Variants in APBB2 observed in about 807,000 individuals in gnomAD.
APBB2 encodes the protein Fe65-like 1.
A neutral mutation model predicts 82.5 loss-of-function variants in APBB2; 38 were observed. The observed-to-expected ratio is 0.46, with a 90% CI of 0.36 to 0.60. The LOEUF (loss-of-function observed/expected upper bound fraction) is 0.60. Among genes scored for constraint, APBB2 ranks in the 20% least tolerant of loss-of-function variants. APBB2 has a pLI of 0.00. For synonymous variants in APBB2, 341 were observed against 368.2 expected, an observed-to-expected ratio of 0.93 and a Z score of 0.85; for missense variants, 772 against 972.3, an observed-to-expected ratio of 0.79 and a Z score of 2.74.
In APBB2 at chr4:41,121,996, G is replaced by A. The variant is rs1218372997; in HGVS notation, c.-261+20991C>T. On this transcript the variant is annotated intron_variant, in intron 2 of 17. Coordinates refer to ENST00000508593, the MANE Select transcript of APBB2 (RefSeq NM_004307.2). ...AGCTGGAGTGCAGTGGCCCCATCTC[G>A]ACTCACTGTAGCCTTGACTTCCCGA... Among the ~76,000 whole-genome samples the A allele has an allele frequency of 3.9e-5, 6 of 152,070 alleles. No homozygotes were observed. The East Asian group carries it at 7.7e-4, about 20-fold the overall frequency.
intron 10 of APBB2, among the ~76,000 whole-genome samples, chr4:40,907,331 T>C (rs1467774015): frequency 1.4e-5 from 2 of 144,530 alleles, no homozygotes; most frequent in African/African-American, 5.1e-5. Context: ...CTTTATTTAA[T>C]TTAATTTAAT....
rs34433911 is a variant in APBB2 at position 40,858,454 on chromosome 4, C to CAAAAAAAAAAAAAAAAAA, written c.1530-27895_1530-27878dup. On this transcript the variant is annotated intron_variant, in intron 12 of 17. Coordinates refer to ENST00000508593, the MANE Select transcript of APBB2 (RefSeq NM_004307.2). ...TGAGTGACAGAGTGAGAGTCCGTCT[C>CAAAAAAAAAAAAAAAAAA]AAAAAAAAAAAAAAAAAAAAAAAAG... 3.6e-3 allele frequency among the ~76,000 whole-genome samples: 206 copies of CAAAAAAAAAAAAAAAAAA among 57,714 alleles called. 3 individuals are homozygous for CAAAAAAAAAAAAAAAAAA. Among genetic ancestry groups the CAAAAAAAAAAAAAAAAAA allele is most frequent in the Non-Finnish European group, 4.4e-3 (144 of 32,732 alleles). 37.9% of individuals were successfully genotyped at this position (57,714 alleles called of 152,430 possible). A position where few individuals can be genotyped will look rare whatever the true frequency, so the allele number is the denominator to read the frequency against.
chr4:41,147,481 C>CTTT (rs558746840), intron 1 of APBB2, among the ~76,000 whole-genome samples: 1,045 of 103,064 alleles, frequency 0.01, 26 homozygotes, highest in South Asian at 0.03. Flanking sequence ...GTTTGGCCAG[C>CTTT]TTTTTTTTTT....
chr4:40,867,657 C>A (rs1371754032), intron 12 of APBB2, among the ~76,000 whole-genome samples: 1 of 152,212 alleles, frequency 6.6e-6, no homozygotes, highest in Non-Finnish European at 1.5e-5. Flanking sequence ...TAAAGTTCCA[C>A]ACAAAGTTCA....
At chr4:41,151,370 C>T (rs1226247118) in intron 1 of APBB2, among the ~76,000 whole-genome samples, 4 of 152,146 alleles carry the variant, frequency 2.6e-5, no homozygotes, top group South Asian at 2.1e-4. Context: ...ACTAGGCACA[C>T]GTGCCTTGAA....
At chr4:41,034,376 G>C (rs1289160000) in intron 4 of APBB2, among the ~76,000 whole-genome samples, 2 of 152,178 alleles carry the variant, frequency 1.3e-5, no homozygotes, top group Non-Finnish European at 2.9e-5. Context: ...CCAGGCTGGA[G>C]GGCAATAGCG....
At chr4:41,143,958 A>C (rs77519419) in intron 1 of APBB2, among the ~76,000 whole-genome samples, 1 of 152,372 alleles carries the variant, frequency 6.6e-6, no homozygotes, top group East Asian at 1.9e-4. Context: ...GGCTTAAGGA[A>C]AAACAGTGTG....
Position 41,028,802 on chromosome 4 carries a change from G to A in APBB2, c.19+4434C>T, listed in dbSNP as rs373561833. 1.4e-4 allele frequency among the ~76,000 whole-genome samples: 21 copies of A among 152,304 alleles called. No homozygotes were observed. In the East Asian group the frequency reaches 2.5e-3, roughly 18 times the overall value. On this transcript the variant is annotated intron_variant, in intron 5 of 17. Coordinates refer to ENST00000508593, the MANE Select transcript of APBB2 (RefSeq NM_004307.2). ...ACTTGCCCAGCTTCTCTCGATCCCA[G>A]CCACAAAGGCCCCAGCACAGATACA... is the stretch of plus-strand genomic sequence containing the variant.
chr4:41,168,303 A>G (rs1767261896), intron 1 of APBB2, among the ~76,000 whole-genome samples: 1 of 151,580 alleles, frequency 6.6e-6, no homozygotes, highest in African/African-American at 2.4e-5. Context: ...AAAAAAAAAG[A>G]AAAAGAAATA....
At chr4:40,912,199 A>T (rs1337329857) in intron 10 of APBB2, among the ~76,000 whole-genome samples, 1 of 152,212 alleles carries the variant, frequency 6.6e-6, no homozygotes, top group Non-Finnish European at 1.5e-5. Context: ...AGTCTGACAT[A>T]GGGCTGCTGT....
chr4:40,905,216 CCACTAATGGCTGGTCCCTTCATGA>C (rs1218902529), intron 10 of APBB2, among the ~76,000 whole-genome samples: 1 of 152,158 alleles, frequency 6.6e-6, no homozygotes, highest in African/African-American at 2.4e-5. Flanking sequence ...TGCCCGCCAC[CCACTAATGGCTGGTCCCTTCATGA>C]AGGGCAGTTC....
At chr4:40,997,155 C>T (rs968370417) in intron 6 of APBB2, among the ~76,000 whole-genome samples, 2 of 152,148 alleles carry the variant, frequency 1.3e-5, no homozygotes, top group African/African-American at 2.4e-5. Context: ...CATGTGGTTA[C>T]ATTTCTTCCC....
intron 2 of APBB2, among the ~76,000 whole-genome samples, chr4:41,132,641 T>C (rs534744010): frequency 6.2e-4 from 95 of 152,364 alleles, no homozygotes; most frequent in African/African-American, 2.2e-3. Flanking sequence ...TTGAATTCAT[T>C]GTCCTTCAAA....
intron 10 of APBB2, among the ~76,000 whole-genome samples, chr4:40,906,464 C>CAAAAAAAAAA (rs5857755): frequency 4.7e-4 from 32 of 67,882 alleles, no homozygotes; most frequent in East Asian, 9.4e-4. Context: ...AAACCTGTCT[C>CAAAAAAAAAA]AAAAAAAAAA....
chr4:40,846,023 T>TGAGTGGG, intron 12 of APBB2, among the ~76,000 whole-genome samples: 1 of 16,262 alleles, frequency 6.1e-5, no homozygotes, highest in Non-Finnish European at 1.7e-4. Context: ...GGGGTGTGTG[T>TGAGTGGG]GTGTGTGTGT....
At chr4:41,016,664 A>G (rs1257820957) in intron 5 of APBB2, among the ~76,000 whole-genome samples, 6 of 151,830 alleles carry the variant, frequency 4.0e-5, no homozygotes, top group African/African-American at 4.8e-5. Flanking sequence ...AAAACAAAAA[A>G]GAAAAAAAAA....
At chr4:41,090,713 T>C (rs886848726) in intron 3 of APBB2, among the ~76,000 whole-genome samples, 1 of 152,196 alleles carries the variant, frequency 6.6e-6, no homozygotes. Flanking sequence ...ATCAAAAATT[T>C]TGCCAGAACA....
At chr4:40,994,206 G>A (rs1045589535) in intron 6 of APBB2, among the ~76,000 whole-genome samples, 1 of 151,412 alleles carries the variant, frequency 6.6e-6, no homozygotes, top group Non-Finnish European at 1.5e-5. Flanking sequence ...AGAATGGCGT[G>A]AACCTGGGAG....
In APBB2 at chr4:40,992,361, T is replaced by TGGGG. The variant is rs3058175; in HGVS notation, c.835+21218_835+21221dup. 3.2e-4 allele frequency among the ~76,000 whole-genome samples: 45 copies of TGGGG among 139,394 alleles called. 1 individual carries two copies. The East Asian group carries it at 7.1e-3, about 22-fold the overall frequency. 91.4% of individuals were successfully genotyped at this position (139,394 alleles called of 152,430 possible). ...TTTATTTATTTATTTTTGGTAGAGA[T>TGGGG]GGGGGGGGGTCTTTCTATGTTGCCC... On this transcript the variant is annotated intron_variant, in intron 6 of 17. Coordinates refer to ENST00000508593, the MANE Select transcript of APBB2 (RefSeq NM_004307.2).
Sources: gnomAD v4.1 joint callset for allele counts (sites outside exome capture counted in the v4.1 genomes callset) on GRCh38, gnomAD v4.1.1 for gene constraint, MANE v1.5 for transcripts, NCBI Gene and HGNC (gene_info 2026-07-23, HGNC 2026-07-21) for gene names.